Variants in NFYB observed in about 807,000 individuals in gnomAD.
NFYB encodes the protein CAAT box DNA-binding protein subunit B.
Under a neutral mutation model 28.0 loss-of-function variants are expected in NFYB, and 13 were observed. The ratio of observed to expected loss-of-function variants is 0.46; its 90% CI spans 0.30 to 0.74. The LOEUF is 0.74. Among genes scored for constraint, NFYB ranks in the 30% least tolerant of loss-of-function variants. The pLI, the probability that NFYB is intolerant of heterozygous loss-of-function variation, is 0.07. For missense variants in NFYB, 142 were observed against 247.6 expected (o/e 0.57, Z 2.86); for synonymous variants, 74 against 75.0 (o/e 0.99, Z 0.07).
chr12:104,134,980 C>G (rs576117727), intron 2 of NFYB, among the ~76,000 whole-genome samples: 25 of 152,318 alleles, frequency 1.6e-4, no homozygotes, highest in Non-Finnish European at 2.6e-4. Flanking sequence ...ACTTAAGTTG[C>G]CCATCCTGCC....
At chr12:104,135,594 TCACTTATAGGC>T in intron 1 of NFYB, 62 bp from the exon 2 acceptor site, 3 of 644,368 alleles carry the variant, frequency 4.7e-6, no homozygotes, top group Non-Finnish European at 7.6e-6. Flanking sequence ...ATCAAATGTA[TCACTTATAGGC>T]TTTTTTTCTC....
At chr12:104,132,094 T>C (rs910444824) in intron 2 of NFYB, among the ~76,000 whole-genome samples, 3 of 152,220 alleles carry the variant, frequency 2.0e-5, no homozygotes, top group Non-Finnish European at 4.4e-5. Context: ...AATTAAGTAA[T>C]TGCTAGTGCC....
intron 2 of NFYB, among the ~76,000 whole-genome samples, chr12:104,130,072 C>G (rs1031044939): frequency 3.3e-5 from 5 of 152,206 alleles, no homozygotes; most frequent in African/African-American, 1.2e-4. Context: ...ATTTCACCAA[C>G]ATGGCAGATC....
At chr12:104,129,190 C>G (rs752255075) in intron 2 of NFYB, among the ~76,000 whole-genome samples, 2 of 152,156 alleles carry the variant, frequency 1.3e-5, no homozygotes, top group African/African-American at 2.4e-5. Context: ...CTTAGTAAAG[C>G]TGTACACAGT....
chr12:104,138,174 A>G lies in NFYB; in HGVS notation c.-113T>C, dbSNP rs1033864757. On this transcript the variant is annotated 5_prime_UTR_variant, in exon 1 of 8. Coordinates refer to ENST00000240055, the MANE Select transcript of NFYB (RefSeq NM_006166.4). ...CAGCCCTGGTTGGCTCCCGTCTCCAATCGGCTGTTTGGTTGGACAGAAAAT... is the reference window on the plus strand; with the variant it reads ...CAGCCCTGGTTGGCTCCCGTCTCCAGTCGGCTGTTTGGTTGGACAGAAAAT... The G allele has an allele frequency of 1.3e-5, 2 of 148,550 alleles. No individual in the cohort carries two copies. Among genetic ancestry groups the G allele is most frequent in the African/African-American group, 4.9e-5 (2 of 41,088 alleles). The allele number at this position is 148,550 out of a possible 1,614,324, so 9.2% of individuals were successfully genotyped here.
chr12:104,134,787 A>C (rs1350683778), intron 2 of NFYB, among the ~76,000 whole-genome samples: 1 of 152,210 alleles, frequency 6.6e-6, no homozygotes, highest in African/African-American at 2.4e-5. Context: ...GGGATCACTG[A>C]GTGCACTTCT....
At chr12:104,131,176 G>A (rs528370534) in intron 2 of NFYB, 10 of 152,332 alleles carry the variant, frequency 6.6e-5, no homozygotes, top group East Asian at 3.9e-4. Context: ...CATTAGCCTC[G>A]CTAAACCTCA....
intron 5 of NFYB, 132 bp downstream of exon 5, chr12:104,123,094 T>C: frequency 1.5e-6 from 1 of 662,852 alleles, no homozygotes; most frequent in Non-Finnish European, 2.5e-6. Context: ...GAGAGTTGCT[T>C]GAACCCAGGA....
intron 1 of NFYB, among the ~76,000 whole-genome samples, chr12:104,136,860 C>G (rs747900579): frequency 3.3e-5 from 5 of 152,114 alleles, no homozygotes; most frequent in Non-Finnish European, 7.4e-5. Context: ...AATTTGTATC[C>G]AAGAAAAGCA....
intron 1 of NFYB, among the ~76,000 whole-genome samples, chr12:104,135,837 A>G (rs2031079511): frequency 6.6e-6 from 1 of 152,212 alleles, no homozygotes; most frequent in Non-Finnish European, 1.5e-5. Flanking sequence ...ATTACAATAC[A>G]CCAAAAAGGG....
chr12:104,137,599 C>G (rs2031155916), intron 1 of NFYB: 1 of 151,692 alleles, frequency 6.6e-6, no homozygotes, highest in African/African-American at 2.4e-5. Flanking sequence ...CCGCGCCCAA[C>G]GCCTGCCTCC....
rs188590807 is a variant in NFYB at position 104,120,162 on chromosome 12, T to C, written c.591+238A>G. Among the ~76,000 whole-genome samples the C allele has an allele frequency of 2.1e-3, 318 of 152,162 alleles. 2 individuals carry two copies. The highest frequency in any genetic ancestry group is 3.9e-3 in the Admixed American group (60 of 15,274). On this transcript the variant is annotated intron_variant, in intron 7 of 7. Transcript: ENST00000240055. ...CCTCCACCTCCAGGGTTCAAGTGATTCTCCTGCCTCAGCCTCCAAGCAGAG... is the reference window on the plus strand; with the variant it reads ...CCTCCACCTCCAGGGTTCAAGTGATCCTCCTGCCTCAGCCTCCAAGCAGAG...
At chr12:104,126,007 A>G in intron 4 of NFYB, 107 bp downstream of exon 4, 1 of 1,179,404 alleles carries the variant, frequency 8.5e-7, no homozygotes, top group Non-Finnish European at 1.2e-6. Context: ...GATTTGCTGA[A>G]AGCCTGAATG....
intron 1 of NFYB, among the ~76,000 whole-genome samples, chr12:104,136,767 G>A (rs1186729776): frequency 1.3e-5 from 2 of 152,140 alleles, no homozygotes; most frequent in Admixed American, 6.5e-5. Flanking sequence ...CACCTCATAT[G>A]GTGTATATTT....
In NFYB at chr12:104,121,332, A is replaced by G. The variant is rs1292151946; in HGVS notation, c.430-11T>C. On this transcript the variant is annotated splice_polypyrimidine_tract_variant and intron_variant, in intron 5 of 7. Transcript: ENST00000240055. ...TTCTCCTTTCATAGCCTGAGGAAGG[A>G]AAAAAAAAAAGTCACTGATATTCAA... 2.0e-6 allele frequency: 2 copies of G among 1,000,916 alleles called. No homozygotes were observed. Among genetic ancestry groups the G allele is most frequent in the Non-Finnish European group, 2.7e-6 (2 of 747,626 alleles). 62.0% of individuals were successfully genotyped at this position (1,000,916 alleles called of 1,614,324 possible).
chr12:104,120,354 C>T, intron 7 of NFYB, 46 bp downstream of exon 7: 5 of 1,520,520 alleles, frequency 3.3e-6, no homozygotes, highest in Non-Finnish European at 4.5e-6. Flanking sequence ...GGGGCCCTGT[C>T]GATACAATCA....
At chr12:104,124,184 A>G (rs1253452731) in intron 4 of NFYB, among the ~76,000 whole-genome samples, 1 of 152,220 alleles carries the variant, frequency 6.6e-6, no homozygotes, top group Non-Finnish European at 1.5e-5. Flanking sequence ...AAAAAACTGA[A>G]TTCACATAAG....
chr12:104,125,342 C>T (rs539529039), intron 4 of NFYB: 65 of 153,074 alleles, frequency 4.2e-4, no homozygotes, highest in South Asian at 2.5e-3. Flanking sequence ...AGCTTCAGGC[C>T]GGGCACAGTG....
At chr12:104,135,745 AAAC>A (rs1171173390) in intron 1 of NFYB, among the ~76,000 whole-genome samples, 2 of 152,264 alleles carry the variant, frequency 1.3e-5, no homozygotes, top group East Asian at 3.8e-4. Context: ...GAGAACTTAA[AAAC>A]AAGTTAATTC....
Sources: allele counts gnomAD v4.1 joint callset (sites outside exome capture counted in the v4.1 genomes callset), GRCh38; gene constraint gnomAD v4.1.1; transcripts MANE v1.5; gene names NCBI Gene and HGNC (gene_info 2026-07-23, HGNC 2026-07-21).